INAVA: variants seen among roughly 807,000 people sequenced by gnomAD.
INAVA encodes innate immunity activator protein.
A neutral mutation model predicts 55.3 loss-of-function variants in INAVA; 32 were observed. The observed-to-expected ratio is 0.58, with a 90% CI of 0.44 to 0.78. The LOEUF (loss-of-function observed/expected upper bound fraction) is 0.78, where lower values mean the gene tolerates loss of function less well. INAVA is among the 30% of genes least tolerant of loss of function. INAVA has a pLI of 0.00. For synonymous variants in INAVA, 294 were observed against 329.4 expected (o/e 0.89, Z 1.16); for missense variants, 756 against 786.4 (o/e 0.96, Z 0.46).
rs1199578372 is a variant in INAVA at position 200,899,733 on chromosome 1, C to T, written c.180+136C>T. The T allele has an allele frequency of 3.0e-6, 4 of 1,321,442 alleles. No individual in the cohort carries two copies. The African/African-American group carries it at 4.4e-5, about 15-fold the overall frequency. The allele number at this position is 1,321,442 out of a possible 1,614,324, so 81.9% of individuals were successfully genotyped here. ...GGACATCAGGCTGGGGGCTGGGGCC[C>T]AGAGTCCCCATGATGCAGTGTTTGA... On this transcript the variant is annotated intron_variant, in intron 3 of 9. Transcript: ENST00000413687.
At chr1:200,905,871 G>C (rs1321944758) in intron 5 of INAVA, among the ~76,000 whole-genome samples, 2 of 152,176 alleles carry the variant, frequency 1.3e-5, no homozygotes, top group Non-Finnish European at 2.9e-5. Context: ...ATGCATTTGA[G>C]ATGCAAGCTC....
intron 8 of INAVA, among the ~76,000 whole-genome samples, 194 bp from the exon 9 acceptor site, chr1:200,911,259 C>T (rs574585682): frequency 1.3e-5 from 2 of 152,134 alleles, no homozygotes; most frequent in Non-Finnish European, 2.9e-5. Context: ...GGAAGGAATG[C>T]GTTGGCACCC....
chr1:200,907,996 T>C, intron 6 of INAVA, 109 bp downstream of exon 6: 2 of 878,306 alleles, frequency 2.3e-6, no homozygotes, highest in Non-Finnish European at 3.7e-6. Context: ...AAGGCTAGGG[T>C]GCCAGGCTTA....
rs1423879178 is a variant in INAVA, at chr1:200,913,734, T to C, written c.*105T>C. 1.4e-5 allele frequency: 12 copies of C among 870,852 alleles called. No homozygotes were observed. Among genetic ancestry groups the C allele is most frequent in the Non-Finnish European group, 2.0e-5 (11 of 550,364 alleles). 53.9% of individuals were successfully genotyped at this position (870,852 alleles called of 1,614,324 possible). On this transcript the variant is annotated 3_prime_UTR_variant, in exon 10 of 10. Transcript: ENST00000413687. ...CTCCCCCATCCCCATCGCAGGCCGA[T>C]GACCTGGAGCTGAGACCTTTTATTA... is the stretch of plus-strand genomic sequence containing the variant.
chr1:200,900,114 G>T lies in INAVA; in HGVS notation c.191G>T (p.Gly64Val). The change falls in exon 4 of 10, where the codon GGC (glycine) becomes GTC (valine). Residue 64 changes from glycine (G) to valine (V), a missense_variant. Gly to Val is a moderately radical substitution (Grantham distance 109, BLOSUM62 -3). Transcript: ENST00000413687. ...RLCLREAELT[G>V]TLPAEYPLKP... Reference sequence around the variant, plus strand: ...CTGCTTCCTCCCCAGGAGCTGACGGGCACCTTGCCAGCGGAGTATCCCCTC... The same window carrying T: ...CTGCTTCCTCCCCAGGAGCTGACGGTCACCTTGCCAGCGGAGTATCCCCTC... The T allele has an allele frequency of 1.9e-6, 3 of 1,612,644 alleles. No individual in the cohort carries two copies. Among genetic ancestry groups the T allele is most frequent in the Non-Finnish European group, 2.5e-6 (3 of 1,179,250 alleles).
At chr1:200,898,842 A>G (rs145817997) in intron 2 of INAVA, among the ~76,000 whole-genome samples, 364 of 152,246 alleles carry the variant, frequency 2.4e-3, no homozygotes, top group Non-Finnish European at 4.0e-3. Flanking sequence ...GATCGAGACC[A>G]TCCTGGCTAC....
intron 9 of INAVA, among the ~76,000 whole-genome samples, chr1:200,912,811 A>G (rs1653804483): frequency 6.6e-6 from 1 of 152,148 alleles, no homozygotes; most frequent in African/African-American, 2.4e-5. Context: ...AGAGCAATGC[A>G]TGGTAAGCGC....
chr1:200,896,934 T>C (rs1668365097), intron 1 of INAVA, among the ~76,000 whole-genome samples: 1 of 152,242 alleles, frequency 6.6e-6, no homozygotes, highest in Non-Finnish European at 1.5e-5. Flanking sequence ...TCTTGCTCAA[T>C]GGGCTGACTC....
At chr1:200,912,276 A>G in intron 9 of INAVA, 139 bp downstream of exon 9, 1 of 861,570 alleles carries the variant, frequency 1.2e-6, no homozygotes, top group Non-Finnish European at 1.7e-6. Flanking sequence ...TCTAGGAAGA[A>G]CAGGCCAAAA....
Position 200,900,159 on chromosome 1 carries a change from C to T in INAVA, c.236C>T (p.Pro79Leu). Residue 79 changes from proline to leucine, a missense_variant, in exon 4 of 10, where the codon CCC becomes CTC. Pro to Leu is a moderately conservative substitution (Grantham distance 98, BLOSUM62 -3). Coordinates refer to ENST00000413687, the MANE Select transcript of INAVA (RefSeq NM_001142569.3). ...CCCCTCAAACCAGGGGAAAAGGCCC[C>T]CAAGGTTCGCCGCAGGATCGGAGCG... ...EYPLKPGEKAPKVRRRIGAAY... is the reference protein window; with the variant it reads ...EYPLKPGEKALKVRRRIGAAY... 1.9e-6 allele frequency: 3 copies of T among 1,614,144 alleles called. No individual in the cohort carries two copies. Among genetic ancestry groups the T allele is most frequent in the Non-Finnish European group, 2.5e-6 (3 of 1,179,972 alleles).
At chr1:200,910,764 T>C (rs1653677150) in intron 8 of INAVA, among the ~76,000 whole-genome samples, 1 of 152,238 alleles carries the variant, frequency 6.6e-6, no homozygotes, top group African/African-American at 2.4e-5. Context: ...ATATTTTACA[T>C]GCTACGAGGG....
rs533992427 is a variant in INAVA, at chr1:200,897,572, C to T, written c.-94-735C>T. Among the ~76,000 whole-genome samples, 49 of 152,202 alleles carry T rather than the reference C, an allele frequency of 3.2e-4. 1 individual carries two copies. The highest frequency in any genetic ancestry group is 2.4e-3 in the Admixed American group (36 of 15,280). On this transcript the variant is annotated intron_variant, in intron 1 of 9. Coordinates refer to ENST00000413687, the MANE Select transcript of INAVA (RefSeq NM_001142569.3). ...CCACTGGGGCGTAGGACATGCCTCA[C>T]ACCTCCTGGGTTCTTGGGTTGAGGA...
rs546548155 is a variant in INAVA at position 200,899,760 on chromosome 1, C to T, written c.180+163C>T. 7.9e-5 allele frequency among the ~76,000 whole-genome samples: 12 copies of T among 152,292 alleles called. No homozygotes were observed. In the South Asian group the frequency reaches 2.5e-3, roughly 32 times the overall value. On this transcript the variant is annotated intron_variant, in intron 3 of 9. Transcript: ENST00000413687. ...GAGTCCCCATGATGCAGTGTTTGAC[C>T]TTGTGCTGGATGGAGAAGAGTCAGA...
chr1:200,904,524 G>T (rs1278072740), intron 5 of INAVA, among the ~76,000 whole-genome samples: 1 of 152,198 alleles, frequency 6.6e-6, no homozygotes, highest in East Asian at 1.9e-4. Context: ...TAGTTTTAAT[G>T]AAAATAGCCA....
In INAVA at chr1:200,898,393, A is replaced by C; in HGVS notation, c.-8A>C. On this transcript the variant is annotated 5_prime_UTR_variant, in exon 2 of 10. Coordinates refer to ENST00000413687, the MANE Select transcript of INAVA (RefSeq NM_001142569.3). ...CTGCTCTGTGCCCTCTCCTTCCAGAAATCCACCATGGAGAGTAAGGATGAG... is the reference window on the plus strand; with the variant it reads ...CTGCTCTGTGCCCTCTCCTTCCAGACATCCACCATGGAGAGTAAGGATGAG... 1 of 1,614,052 alleles carries C rather than the reference A, an allele frequency of 6.2e-7. No individual in the cohort carries two copies. The highest frequency in any genetic ancestry group is 1.1e-5 in the South Asian group (1 of 91,072).
chr1:200,901,879 C>T (rs1022926104), intron 5 of INAVA, among the ~76,000 whole-genome samples: 2 of 152,192 alleles, frequency 1.3e-5, no homozygotes, highest in African/African-American at 4.8e-5. Flanking sequence ...GGTGCTGCCA[C>T]ATCACATCAG....
At chr1:200,899,990 T>C in intron 3 of INAVA, 114 bp from the exon 4 acceptor site, 1 of 805,064 alleles carries the variant, frequency 1.2e-6, no homozygotes, top group Non-Finnish European at 2.0e-6. Flanking sequence ...TGAGGTGGGG[T>C]GGAGGGTGGT....
Position 200,895,011 on chromosome 1 carries a change from C to A in INAVA, c.-171C>A, listed in dbSNP as rs372238891. The A allele has an allele frequency of 1.3e-4, 124 of 985,474 alleles. 1 individual carries two copies. Among genetic ancestry groups the A allele is most frequent in the Non-Finnish European group, 2.9e-5 (24 of 830,080 alleles). The allele number at this position is 985,474 out of a possible 1,614,324, so 61.0% of individuals were successfully genotyped here. On this transcript the variant is annotated 5_prime_UTR_variant, in exon 1 of 10. Transcript: ENST00000413687. The stretch of plus-strand genomic sequence containing the variant: ...GCCTGTGGCTTGGGAGACCCTGAGG[C>A]GACATGTGAGGGCCCTGAGCCCCCT...
intron 8 of INAVA, 146 bp from the exon 9 acceptor site, chr1:200,911,307 A>T: frequency 1.3e-6 from 1 of 782,596 alleles, no homozygotes; most frequent in African/African-American, 1.7e-5. Flanking sequence ...TTGCTTTGGG[A>T]GACTTGACCT....
Sources: gnomAD v4.1 joint callset for allele counts (sites outside exome capture counted in the v4.1 genomes callset) on GRCh38, gnomAD v4.1.1 for gene constraint, MANE v1.5 for transcripts, NCBI Gene and HGNC (gene_info 2026-07-23, HGNC 2026-07-21) for gene names.